The following GATAD1 variants were observed in gnomAD, a reference collection of about 807,000 sequenced individuals.
GATAD1 encodes the protein GATA zinc finger domain containing 1.
In GATAD1, 12 loss-of-function variants were observed where a neutral mutation model predicts 26.5. The observed-to-expected ratio is 0.45, with a 90% CI of 0.29 to 0.73. GATAD1 has a LOEUF of 0.73. GATAD1 is among the 30% of genes least tolerant of loss of function. The pLI, the probability that GATAD1 is intolerant of heterozygous loss-of-function variation, is 0.10. For synonymous variants in GATAD1, 129 were observed against 133.1 expected (o/e 0.97, Z 0.21); for missense variants, 266 against 342.1 (o/e 0.78, Z 1.75).
At chr7:92,470,974 G>A in the GATAD1 span, 527 of 167,310 alleles carry the variant, frequency 3.1e-3, 10 homozygotes, top group Non-Finnish European at 1.9e-3. Context: ...GAGGACTGTG[G>A]CCTTCAGGCG....
rs1268886050 is a variant in GATAD1 at position 92,457,246 on chromosome 7, C to T, written c.*684C>T. The T allele has an allele frequency of 4.0e-5, 6 of 151,616 alleles. No homozygotes were observed. The highest frequency in any genetic ancestry group is 1.5e-4 in the African/African-American group (6 of 41,166). 9.4% of individuals were successfully genotyped at this position (151,616 alleles called of 1,614,324 possible). ...TGGGAGGCTGAGGCAGATGGATCGCCTGAGGTTGGGAGTTCGAGACCAGCC... is the reference window on the plus strand; with the variant it reads ...TGGGAGGCTGAGGCAGATGGATCGCTTGAGGTTGGGAGTTCGAGACCAGCC... On this transcript the variant is annotated 3_prime_UTR_variant, in exon 5 of 5. Coordinates refer to ENST00000287957, the MANE Select transcript of GATAD1 (RefSeq NM_021167.5).
intron 2 of GATAD1, 43 bp from the exon 3 acceptor site, chr7:92,450,658 C>T (rs753276680): frequency 7.4e-7 from 1 of 1,349,862 alleles, no homozygotes; most frequent in East Asian, 2.3e-5. Flanking sequence ...CCTGTAGACA[C>T]ATACATACTA....
chr7:92,479,627 T>C, the GATAD1 span, among the ~76,000 whole-genome samples: 1 of 151,964 alleles, frequency 6.6e-6, no homozygotes, highest in Non-Finnish European at 1.5e-5. Flanking sequence ...TAATGTAAAA[T>C]AGTGTTGAAG....
chr7:92,448,562 G>A (rs909263404), intron 1 of GATAD1, among the ~76,000 whole-genome samples, 190 bp from the exon 2 acceptor site: 13 of 152,162 alleles, frequency 8.5e-5, no homozygotes, highest in African/African-American at 3.1e-4. Flanking sequence ...GAGATTCCGG[G>A]TGCTGAACTT....
chr7:92,485,094 C>G, the GATAD1 span, among the ~76,000 whole-genome samples: 14 of 152,068 alleles, frequency 9.2e-5, no homozygotes, highest in Admixed American at 9.2e-4. Context: ...AGGAATTTCA[C>G]AAGGTTAATC....
chr7:92,461,035 TA>T (rs1230820258), downstream of GATAD1, among the ~76,000 whole-genome samples: 2 of 152,168 alleles, frequency 1.3e-5, no homozygotes, highest in Non-Finnish European at 2.9e-5. Flanking sequence ...TAGTAGTTCT[TA>T]AACCCTTGAA....
At chr7:92,469,475 G>T in the GATAD1 span, 1 of 767,768 alleles carries the variant, frequency 1.3e-6, no homozygotes, top group South Asian at 1.4e-5. Flanking sequence ...TATAAATCTT[G>T]TTCAGTGTAG....
At chr7:92,494,911 G>C in the GATAD1 span, among the ~76,000 whole-genome samples, 1 of 151,692 alleles carries the variant, frequency 6.6e-6, no homozygotes, top group Non-Finnish European at 1.5e-5. Context: ...AAACTGTTGA[G>C]GTCAAGGTGT....
At chr7:92,471,037 T>C in the GATAD1 span, 2 of 167,096 alleles carry the variant, frequency 1.2e-5, no homozygotes, top group Non-Finnish European at 2.9e-5. Context: ...TGGGTTACTG[T>C]GGCCTGGAAA....
At position 92,447,545 on chromosome 7, in the gene GATAD1, G is replaced by C. The variant is rs935274428; in HGVS notation, c.-185G>C. On this transcript the variant is annotated 5_prime_UTR_variant, in exon 1 of 5. Transcript: ENST00000287957. ...ATCCTGGCCTCCGCCTGCGGAGCCG[G>C]CGGAACCCGCTTCCCGCCTCCACGG... 3 of 688,608 alleles carry C rather than the reference G, an allele frequency of 4.4e-6. No homozygotes were observed. The highest frequency in any genetic ancestry group is 6.1e-6 in the Non-Finnish European group (3 of 488,502). The allele number at this position is 688,608 out of a possible 1,614,324, so 42.7% of individuals were successfully genotyped here.
At chr7:92,487,455 T>C in the GATAD1 span, 28 of 1,533,690 alleles carry the variant, frequency 1.8e-5, 1 homozygote, top group South Asian at 3.1e-4. Flanking sequence ...AAGAAGTATA[T>C]TTTATGCTAA....
intron 3 of GATAD1, 43 bp from the exon 4 acceptor site, chr7:92,454,459 C>G: frequency 6.9e-7 from 1 of 1,441,890 alleles, no homozygotes; most frequent in Non-Finnish European, 9.8e-7. Context: ...CTGTGATGTT[C>G]TATTTTTATT....
At chr7:92,489,385 G>T in the GATAD1 span, 1 of 1,611,550 alleles carries the variant, frequency 6.2e-7, no homozygotes, top group Admixed American at 1.7e-5. Flanking sequence ...TAGCCAGTCT[G>T]GTTTTGATTG....
At chr7:92,481,587 C>T in the GATAD1 span, among the ~76,000 whole-genome samples, 7 of 152,090 alleles carry the variant, frequency 4.6e-5, no homozygotes, top group African/African-American at 1.7e-4. Flanking sequence ...GTAAGAATTC[C>T]GACTGCACAG....
rs1789394356 is a variant in GATAD1 at position 92,450,745 on chromosome 7, A to G, written c.420A>G (p.Glu140=). ...CAGTTTCCACTATAATCACTGCAGA[A>G]TCAATCTTCTACAAGGTAAGCTTTT... is the stretch of plus-strand genomic sequence containing the variant. ...PESVSTIITA[E]SIFYKGVYYQ... The change falls in exon 3 of 5, where the codon GAA becomes GAG. Residue 140 remains glutamate (E), a synonymous_variant. Transcript: ENST00000287957. 2.5e-6 allele frequency: 4 copies of G among 1,606,696 alleles called. No homozygotes were observed. The highest frequency in any genetic ancestry group is 2.6e-6 in the Non-Finnish European group (3 of 1,173,404).
chr7:92,486,486 CAA>C, the GATAD1 span, among the ~76,000 whole-genome samples: 1 of 152,290 alleles, frequency 6.6e-6, no homozygotes, highest in African/African-American at 2.4e-5. Context: ...AACTGAGAAA[CAA>C]AGTGCAATGC....
At position 92,459,905 on chromosome 7, in the gene GATAD1, G is replaced by T. The variant is rs1048424947; in HGVS notation, c.*3343G>T. Among the ~76,000 whole-genome samples the T allele has an allele frequency of 1.4e-4, 21 of 152,138 alleles. No homozygotes were observed. The highest frequency in any genetic ancestry group is 2.6e-4 in the Non-Finnish European group (18 of 68,020). ...TAGTTATTAATTCATATTAACTTTG[G>T]CTGAAACTTTTAAATTCTATTGTGA... is the stretch of plus-strand genomic sequence containing the variant. On this transcript the variant is annotated 3_prime_UTR_variant, in exon 5 of 5. Coordinates refer to ENST00000287957, the MANE Select transcript of GATAD1 (RefSeq NM_021167.5).
chr7:92,467,553 A>G, the GATAD1 span, among the ~76,000 whole-genome samples: 12 of 152,226 alleles, frequency 7.9e-5, no homozygotes, highest in Non-Finnish European at 1.6e-4. Context: ...CTCTTAGTAC[A>G]TATGGTACCT....
Position 92,458,945 on chromosome 7 carries a change from CG to C in GATAD1, c.*2386del, listed in dbSNP as rs1253141859. 2.0e-5 allele frequency: 3 copies of C among 152,038 alleles called. No homozygotes were observed. The highest frequency in any genetic ancestry group is 6.6e-5 in the Admixed American group (1 of 15,262). 9.4% of individuals were successfully genotyped at this position (152,038 alleles called of 1,614,324 possible). A position where few individuals can be genotyped will look rare whatever the true frequency, so the allele number is the denominator to read the frequency against. ...CGTACTTAGAATTTGGAGTAGAGGC[CG>C]GGCACAGTGGCTCACGCCTGTAATC... On this transcript the variant is annotated 3_prime_UTR_variant, in exon 5 of 5. Coordinates refer to ENST00000287957, the MANE Select transcript of GATAD1 (RefSeq NM_021167.5).
Sources: gnomAD v4.1 joint callset for allele counts (sites outside exome capture counted in the v4.1 genomes callset) on GRCh38, gnomAD v4.1.1 for gene constraint, MANE v1.5 for transcripts, NCBI Gene and HGNC (gene_info 2026-07-23, HGNC 2026-07-21) for gene names.